Variants in CAMTA1 observed in about 807,000 individuals in gnomAD.
The protein encoded by CAMTA1 is calmodulin binding transcription activator 1.
CAMTA1 carries 27 observed loss-of-function variants against 170.9 expected under a neutral mutation model. That is an observed-to-expected ratio of 0.16 (90% CI 0.12 to 0.22). The LOEUF is 0.22. Ranked by LOEUF, CAMTA1 falls within the 10% of genes least tolerant of loss-of-function variation. CAMTA1 has a pLI of 1.00. For synonymous variants in CAMTA1, 833 were observed against 891.5 expected (o/e 0.93, Z 1.17); for missense variants, 1,619 against 2,217.2 (o/e 0.73, Z 5.42).
At chr1:7,605,668 C>T (rs1205224158) in intron 6 of CAMTA1, among the ~76,000 whole-genome samples, 1 of 152,214 alleles carries the variant, frequency 6.6e-6, no homozygotes, top group African/African-American at 2.4e-5. Context: ...TCAGCTCATG[C>T]TTGGTGTGCT....
chr1:7,132,429 C>G (rs1645315956), intron 4 of CAMTA1, among the ~76,000 whole-genome samples: 1 of 152,170 alleles, frequency 6.6e-6, no homozygotes, highest in South Asian at 2.1e-4. Context: ...TGTGTATCAC[C>G]ATGCTCGGCT....
intron 11 of CAMTA1, among the ~76,000 whole-genome samples, chr1:7,728,500 G>A (rs1468966210): frequency 6.6e-6 from 1 of 152,194 alleles, no homozygotes; most frequent in African/African-American, 2.4e-5. Context: ...CAAGTGAAAT[G>A]GATGCTGAAA....
At chr1:7,756,147 T>G (rs1307897662) in intron 22 of CAMTA1, among the ~76,000 whole-genome samples, 1 of 151,990 alleles carries the variant, frequency 6.6e-6, no homozygotes, top group Non-Finnish European at 1.5e-5. Flanking sequence ...AATGAATCTA[T>G]TTCTTACTGA....
intron 3 of CAMTA1, among the ~76,000 whole-genome samples, chr1:6,990,122 G>A (rs1696112125): frequency 6.6e-6 from 1 of 152,214 alleles, no homozygotes; most frequent in African/African-American, 2.4e-5. Flanking sequence ...TGCCCGTAAT[G>A]AAATTGGAGT....
At chr1:7,676,335 G>T (rs1313122813) in intron 10 of CAMTA1, among the ~76,000 whole-genome samples, 1 of 152,230 alleles carries the variant, frequency 6.6e-6, no homozygotes, top group Admixed American at 6.5e-5. Context: ...CAGCCAGGGT[G>T]GAAAACACAG....
intron 6 of CAMTA1, among the ~76,000 whole-genome samples, chr1:7,583,428 T>C (rs1280375841): frequency 6.6e-6 from 1 of 152,134 alleles, no homozygotes; most frequent in Non-Finnish European, 1.5e-5. Flanking sequence ...AGGTGGGGGC[T>C]GCAGGATTTT....
At chr1:7,566,464 G>A (rs564658032) in intron 6 of CAMTA1, among the ~76,000 whole-genome samples, 34 of 152,130 alleles carry the variant, frequency 2.2e-4, no homozygotes, top group African/African-American at 8.2e-4. Flanking sequence ...AGAGAACCCA[G>A]CCCAGCCCCT....
At chr1:7,357,389 G>T (rs2149944893) in intron 5 of CAMTA1, among the ~76,000 whole-genome samples, 1 of 152,350 alleles carries the variant, frequency 6.6e-6, no homozygotes, top group South Asian at 2.1e-4. Context: ...GGGGCAGCGA[G>T]GCAGAGGAAC....
Position 7,580,427 on chromosome 1 carries a change from G to T in CAMTA1, c.511-59973G>T, listed in dbSNP as rs1362650576. ...GGGGAGAGGAAGGAAGACAGGTGAG[G>T]GGGCTGATGGGAGCCATGATGAGGT... On this transcript the variant is annotated intron_variant, in intron 6 of 22. Transcript: ENST00000303635. The surrounding 1 kb of genome is among the most constrained non-coding windows in gnomAD (Gnocchi z 4.3). Among the ~76,000 whole-genome samples the T allele has an allele frequency of 6.6e-6, 1 of 152,144 alleles. No individual in the cohort carries two copies. Among genetic ancestry groups the T allele is most frequent in the Non-Finnish European group, 1.5e-5 (1 of 68,014 alleles).
At chr1:7,667,061 G>A (rs941653300) in intron 9 of CAMTA1, among the ~76,000 whole-genome samples, 1 of 152,046 alleles carries the variant, frequency 6.6e-6, no homozygotes. Context: ...GCTAATTTTT[G>A]TATTTTTAGT....
chr1:7,072,692 C>G (rs1453572578), intron 3 of CAMTA1, among the ~76,000 whole-genome samples: 1 of 152,266 alleles, frequency 6.6e-6, no homozygotes, highest in Non-Finnish European at 1.5e-5. Flanking sequence ...GTTAGGGAGG[C>G]CTTACCCAGA....
chr1:7,266,235 C>T (rs944076168), intron 5 of CAMTA1, among the ~76,000 whole-genome samples: 36 of 152,156 alleles, frequency 2.4e-4, no homozygotes, highest in African/African-American at 7.2e-4. Context: ...GGTTCAGTTG[C>T]GGCCAGACCT....
chr1:7,212,150 T>TATAA (rs1658886165), intron 4 of CAMTA1, among the ~76,000 whole-genome samples: 1 of 152,268 alleles, frequency 6.6e-6, no homozygotes, highest in Non-Finnish European at 1.5e-5. Context: ...AAATACTGTG[T>TATAA]TCATAAGCCT....
chr1:7,705,901 G>T (rs1264946037), intron 11 of CAMTA1, among the ~76,000 whole-genome samples: 1 of 152,198 alleles, frequency 6.6e-6, no homozygotes, highest in Non-Finnish European at 1.5e-5. Context: ...GCGCAGATGG[G>T]CCAGGATAGA....
At chr1:6,981,260 G>A (rs1023681490) in intron 3 of CAMTA1, among the ~76,000 whole-genome samples, 3 of 152,140 alleles carry the variant, frequency 2.0e-5, no homozygotes, top group Non-Finnish European at 2.9e-5. Flanking sequence ...AATAAAGGAT[G>A]TGGCCATTTC....
Position 7,736,652 on chromosome 1 carries a change from C to A in CAMTA1, c.3263+112C>A. 2 of 1,088,208 alleles carry A rather than the reference C, an allele frequency of 1.8e-6. No homozygotes were observed. Among genetic ancestry groups the A allele is most frequent in the Non-Finnish European group, 2.7e-6 (2 of 732,062 alleles). 67.4% of individuals were successfully genotyped at this position (1,088,208 alleles called of 1,614,324 possible). On this transcript the variant is annotated intron_variant, in intron 13 of 22. Transcript: ENST00000303635. The surrounding 1 kb of genome is among the most constrained non-coding windows in gnomAD (Gnocchi z 4.5). ...CTACCCATTCAGTCCACTTTATAGC[C>A]GGCGAGCAAAGGGCTTTGTCCTTGG...
chr1:6,805,417 C>G (rs1267541838), intron 1 of CAMTA1, among the ~76,000 whole-genome samples: 1 of 152,164 alleles, frequency 6.6e-6, no homozygotes, highest in Non-Finnish European at 1.5e-5. Context: ...TATATGTGTT[C>G]TAGATATCAG....
At chr1:7,382,037 T>C (rs1366901320) in intron 5 of CAMTA1, among the ~76,000 whole-genome samples, 2 of 152,200 alleles carry the variant, frequency 1.3e-5, no homozygotes, top group Non-Finnish European at 2.9e-5. Context: ...CTTCACCTCA[T>C]GGCACAAAAT....
rs1016939425 is a variant in CAMTA1, at chr1:6,887,355, A to T, written c.234+62145A>T. On this transcript the variant is annotated intron_variant, in intron 3 of 22. Transcript: ENST00000303635. The surrounding 1 kb of genome is among the most constrained non-coding windows in gnomAD (Gnocchi z 4.1). ...CTCTTAAAGATAAAACCTACAACCCAATAAAAGTCATGCTGTAACGATTGC... is the reference window on the plus strand; with the variant it reads ...CTCTTAAAGATAAAACCTACAACCCTATAAAAGTCATGCTGTAACGATTGC... Among the ~76,000 whole-genome samples, 3 of 152,220 alleles carry T rather than the reference A, an allele frequency of 2.0e-5. No individual in the cohort carries two copies. Among genetic ancestry groups the T allele is most frequent in the African/African-American group, 7.2e-5 (3 of 41,458 alleles).
Sources: allele counts gnomAD v4.1 joint callset (sites outside exome capture counted in the v4.1 genomes callset), GRCh38; gene constraint gnomAD v4.1.1; non-coding constraint Gnocchi (gnomAD v3.1); transcripts MANE v1.5; gene names NCBI Gene and HGNC (gene_info 2026-07-23, HGNC 2026-07-21).